The following NAV1 variants were observed in gnomAD, a reference collection of about 807,000 sequenced individuals.
NAV1 encodes pore membrane and/or filament interacting like protein 3.
Under a neutral mutation model 175.2 loss-of-function variants are expected in NAV1, and 18 were observed. The ratio of observed to expected loss-of-function variants is 0.10; its 90% CI spans 0.07 to 0.15. The LOEUF (loss-of-function observed/expected upper bound fraction) is 0.15. NAV1 is among the 10% of genes least tolerant of loss of function. The pLI, the probability that NAV1 is intolerant of heterozygous loss-of-function variation, is 1.00. For missense variants in NAV1, 1,731 were observed against 2,436.6 expected (o/e 0.71, Z 6.10); for synonymous variants, 897 against 978.7 (o/e 0.92, Z 1.56).
rs112812610 is a variant in NAV1, at chr1:201,559,484, T to C, written c.-144+20142T>C. The stretch of plus-strand genomic sequence containing the variant: ...TTAGAGTTACGACTGGGAGCAGGGT[T>C]TTGATGGAGGTGAGAAGCTTTGTCC... On this transcript the variant is annotated intron_variant, in intron 1 of 33. Coordinates refer to the NAV1 transcript ENST00000685211. Among the ~76,000 whole-genome samples the C allele has an allele frequency of 6.4e-3, 970 of 152,092 alleles. 18 individuals are homozygous for C. Among genetic ancestry groups the C allele is most frequent in the African/African-American group, 0.023 (943 of 41,438 alleles).
At position 201,808,784 on chromosome 1, in the gene NAV1, G is replaced by C; in HGVS notation, c.4120G>C (p.Val1374Leu). 6.2e-7 allele frequency: 1 copy of C among 1,614,090 alleles called. No homozygotes were observed. The highest frequency in any genetic ancestry group is 8.5e-7 in the Non-Finnish European group (1 of 1,179,976). ...CTCATCAGGCTCCACTCCAGGGCAGGTCCCTGGATCATCTGCATTATCTTC... is the reference window on the plus strand; with the variant it reads ...CTCATCAGGCTCCACTCCAGGGCAGCTCCCTGGATCATCTGCATTATCTTC... The change falls in exon 20 of 30, where the codon GTC (valine) becomes CTC (leucine). Residue 1374 changes from valine to leucine, a missense_variant. Physicochemically the swap from Val to Leu is conservative, Grantham distance 32. Transcript: ENST00000367296. This position sits in a 1 kb window ranked among gnomAD's most constrained non-coding sequence, Gnocchi z 5.5.
At chr1:201,629,724 C>G (rs1285636360) in intron 2 of NAV1, among the ~76,000 whole-genome samples, 14 of 152,118 alleles carry the variant, frequency 9.2e-5, no homozygotes, top group Admixed American at 9.2e-4. Context: ...GGGAAGTGGC[C>G]AGGGGATGCC....
chr1:201,819,505 G>A (rs1679265013), intron 29 of NAV1, among the ~76,000 whole-genome samples: 1 of 143,896 alleles, frequency 6.9e-6, no homozygotes, highest in African/African-American at 2.6e-5. Flanking sequence ...CATCCAGGCT[G>A]GAATGCAGTG....
intron 1 of NAV1, among the ~76,000 whole-genome samples, chr1:201,689,236 A>G (rs559707346): frequency 1.3e-5 from 2 of 152,352 alleles, no homozygotes; most frequent in East Asian, 1.9e-4. Context: ...TCAAAATTCC[A>G]ACTTTTACTG....
At chr1:201,720,850 T>C (rs144249767) in intron 3 of NAV1, among the ~76,000 whole-genome samples, 4 of 152,262 alleles carry the variant, frequency 2.6e-5, no homozygotes, top group African/African-American at 7.2e-5. Flanking sequence ...ACATGATTCT[T>C]ACCGTCAGGG....
chr1:201,651,374 G>A (rs1457310828), intron 1 of NAV1, among the ~76,000 whole-genome samples: 11 of 152,034 alleles, frequency 7.2e-5, no homozygotes, highest in Admixed American at 5.9e-4. Context: ...AGCCAAACAG[G>A]TCTGAGCTGG....
intron 1 of NAV1, among the ~76,000 whole-genome samples, chr1:201,582,048 A>G (rs554042097): frequency 1.8e-4 from 28 of 152,192 alleles, no homozygotes; most frequent in Admixed American, 3.9e-4. Context: ...GTGAGCTGAG[A>G]TCGCGCCACT....
intron 1 of NAV1, among the ~76,000 whole-genome samples, chr1:201,662,443 GC>G (rs1470364036): frequency 2.0e-5 from 3 of 152,224 alleles, no homozygotes; most frequent in African/African-American, 7.2e-5. Context: ...CTGGTGTCTG[GC>G]CTTGGCCTGG....
intron 1 of NAV1, among the ~76,000 whole-genome samples, chr1:201,580,369 T>C (rs646448): frequency 0.053 from 8,093 of 152,318 alleles, 514 homozygotes; most frequent in East Asian, 0.16. Flanking sequence ...GAATTTTTCT[T>C]GAACACCTGT....
chr1:201,794,046 T>A, intron 14 of NAV1, 171 bp downstream of exon 18: 1 of 715,300 alleles, frequency 1.4e-6, no homozygotes, highest in Non-Finnish European at 2.5e-6. Context: ...ATATTCCTTA[T>A]CCCAATTCCT....
intron 16 of NAV1, among the ~76,000 whole-genome samples, 152 bp from the exon 21 acceptor site, chr1:201,804,337 C>A (rs16849370): frequency 6.6e-6 from 1 of 152,050 alleles, no homozygotes; most frequent in Non-Finnish European, 1.5e-5. Flanking sequence ...CAGGTGGACA[C>A]GTCCTGCTCC....
intron 2 of NAV1, among the ~76,000 whole-genome samples, chr1:201,606,483 C>T (rs1309426432): frequency 6.6e-6 from 1 of 152,212 alleles, no homozygotes; most frequent in Middle Eastern, 3.2e-3. Flanking sequence ...ATCTTGTCAT[C>T]CTGTCCATGC....
At chr1:201,752,249 TC>T (rs993559973) in intron 3 of NAV1, among the ~76,000 whole-genome samples, 2 of 152,118 alleles carry the variant, frequency 1.3e-5, no homozygotes, top group Middle Eastern at 3.4e-3. Flanking sequence ...GGATCACTGA[TC>T]CCCCCCATGG....
intron 1 of NAV1, among the ~76,000 whole-genome samples, chr1:201,542,054 C>T (rs1354511991): frequency 6.6e-6 from 1 of 152,224 alleles, no homozygotes; most frequent in African/African-American, 2.4e-5. Context: ...CTCCTCCCAA[C>T]CCCTGCTCTT....
intron 28 of NAV1, among the ~76,000 whole-genome samples, chr1:201,815,039 CAAA>C (rs554042432): frequency 2.6e-5 from 2 of 76,128 alleles, no homozygotes; most frequent in African/African-American, 1.1e-4. Context: ...GACTCTGTCT[CAAA>C]AAAAAAAAAA....
At chr1:201,563,017 C>A (rs74136643) in intron 1 of NAV1, among the ~76,000 whole-genome samples, 7 of 152,288 alleles carry the variant, frequency 4.6e-5, no homozygotes, top group African/African-American at 1.7e-4. Context: ...ATAGTTTTTG[C>A]CAGAGTGGGT....
At chr1:201,803,770 C>T in intron 16 of NAV1, 56 bp downstream of exon 20, 1 of 1,586,196 alleles carries the variant, frequency 6.3e-7, no homozygotes, top group Non-Finnish European at 8.6e-7. Context: ...ACCGCCTTCA[C>T]CTCAGCATAG....
At chr1:201,646,751 G>A (rs1461447252), upstream of NAV1, among the ~76,000 whole-genome samples, 2 of 152,186 alleles carry the variant, frequency 1.3e-5, no homozygotes, top group Non-Finnish European at 2.9e-5. Context: ...CCAGCGTACA[G>A]TGCTCAGGCC....
chr1:201,623,283 C>T, exon 1 of NAV1: 1 of 985,986 alleles, frequency 1.0e-6, no homozygotes. Flanking sequence ...AGAAAAAAGC[C>T]CAGGAAGGGA....
Sources: gnomAD v4.1 joint callset for allele counts (sites outside exome capture counted in the v4.1 genomes callset) on GRCh38, gnomAD v4.1.1 for gene constraint, Gnocchi (gnomAD v3.1) non-coding constraint, MANE v1.5 for transcripts, NCBI Gene and HGNC (gene_info 2026-07-23, HGNC 2026-07-21) for gene names.